The following FOXP1 variants were observed in gnomAD, a reference collection of about 807,000 sequenced individuals.
The protein encoded by FOXP1 is forkhead box P1.
Under a neutral mutation model 98.2 loss-of-function variants are expected in FOXP1, and 15 were observed. The ratio of observed to expected loss-of-function variants is 0.15; its 90% CI spans 0.10 to 0.24. The LOEUF is 0.24. Ranked by LOEUF, FOXP1 falls within the 10% of genes least tolerant of loss-of-function variation. FOXP1 has a pLI of 1.00. For missense variants in FOXP1, 633 were observed against 848.5 expected (o/e 0.75, Z 3.15); for synonymous variants, 371 against 314.5 (o/e 1.18, Z -1.90).
chr3:71,005,514 G>GCCCCC (rs1471502020), intron 12 of FOXP1, among the ~76,000 whole-genome samples: 4 of 151,688 alleles, frequency 2.6e-5, no homozygotes, highest in African/African-American at 9.7e-5. Context: ...TTATTTGGGG[G>GCCCCC]AAATGTATAT....
rs765482675 is a variant in FOXP1, at chr3:70,966,015, A to G, written c.1764T>C (p.Ala588=). 9 of 1,614,142 alleles carry G rather than the reference A, an allele frequency of 5.6e-6. No homozygotes were observed. The Admixed American group carries it at 1.5e-4, about 27-fold the overall frequency. ...TGCCCAGAGTGGGATTTCCCATGGA[A>G]GCGGTAGTGTATAGAGGTATACTAT... ...AENSIPLYTT[A]SMGNPTLGNL... The change falls in exon 20 of 21, where the codon GCT becomes GCC. Residue 588 remains alanine, a synonymous_variant. Transcript: ENST00000649528.
At chr3:71,316,773 C>A (rs796510928) in intron 4 of FOXP1, among the ~76,000 whole-genome samples, 3 of 151,862 alleles carry the variant, frequency 2.0e-5, no homozygotes, top group African/African-American at 7.2e-5. Flanking sequence ...TTCTCCTATC[C>A]CAGCCTCCTG....
At chr3:71,424,090 G>A (rs1198696337) in intron 3 of FOXP1, among the ~76,000 whole-genome samples, 1 of 152,114 alleles carries the variant, frequency 6.6e-6, no homozygotes, top group Non-Finnish European at 1.5e-5. Context: ...GTCAGGCCTG[G>A]CTTAGAAACA....
intron 2 of FOXP1, among the ~76,000 whole-genome samples, chr3:71,503,764 A>G (rs576175431): frequency 1.3e-5 from 2 of 152,298 alleles, no homozygotes; most frequent in South Asian, 4.1e-4. Context: ...TCCATCATTC[A>G]GGCCAGATCA....
intron 6 of FOXP1, among the ~76,000 whole-genome samples, chr3:71,196,294 A>C (rs1161528041): frequency 2.0e-5 from 3 of 152,214 alleles, no homozygotes; most frequent in African/African-American, 7.2e-5. Flanking sequence ...TGCAACTGAT[A>C]CTTTTTAAGG....
At chr3:71,306,571 A>G (rs2074289807) in intron 4 of FOXP1, among the ~76,000 whole-genome samples, 1 of 145,448 alleles carries the variant, frequency 6.9e-6, no homozygotes, top group Non-Finnish European at 1.5e-5. Context: ...ACACATATAT[A>G]TATGTGCATA....
At chr3:71,431,182 C>A (rs2084681636) in intron 3 of FOXP1, among the ~76,000 whole-genome samples, 1 of 152,050 alleles carries the variant, frequency 6.6e-6, no homozygotes, top group Non-Finnish European at 1.5e-5. Context: ...CAAAAGGAAT[C>A]CACTCTTGAG....
intron 2 of FOXP1, among the ~76,000 whole-genome samples, chr3:71,549,019 C>A (rs1187500857): frequency 6.6e-6 from 1 of 152,092 alleles, no homozygotes; most frequent in Non-Finnish European, 1.5e-5. Context: ...AACTCAGGAA[C>A]GTTAACCACT....
intron 2 of FOXP1, among the ~76,000 whole-genome samples, chr3:71,503,028 C>T (rs1022218232): frequency 2.0e-5 from 3 of 148,774 alleles, no homozygotes; most frequent in Non-Finnish European, 4.4e-5. Context: ...AACTGAAAAG[C>T]CTTCCATTAT....
At position 70,992,822 on chromosome 3, in the gene FOXP1, T is replaced by C. The variant is rs557537127; in HGVS notation, c.1063-4745A>G. 6.6e-5 allele frequency among the ~76,000 whole-genome samples: 10 copies of C among 152,272 alleles called. No homozygotes were observed. In the East Asian group the frequency reaches 1.9e-3, roughly 29 times the overall value. On this transcript the variant is annotated intron_variant, in intron 13 of 20. Transcript: ENST00000649528. The stretch of plus-strand genomic sequence containing the variant: ...GTGTCGTGGTTTTCACAGAAGGACA[T>C]GGAAGTGAGAAACCCAGAGACTCTC...
At chr3:71,200,232 A>T (rs2063585974) in intron 5 of FOXP1, among the ~76,000 whole-genome samples, 1 of 152,218 alleles carries the variant, frequency 6.6e-6, no homozygotes, top group Non-Finnish European at 1.5e-5. Context: ...AGATGAGAAA[A>T]GACAGATAGC....
chr3:71,312,598 A>G (rs1167197774), intron 4 of FOXP1, among the ~76,000 whole-genome samples: 1 of 152,196 alleles, frequency 6.6e-6, no homozygotes, highest in African/African-American at 2.4e-5. Flanking sequence ...GTGAGGCAGG[A>G]CGATTGCTTG....
At chr3:71,541,875 G>A (rs1043224048) in intron 2 of FOXP1, 17 of 443,900 alleles carry the variant, frequency 3.8e-5, no homozygotes, top group African/African-American at 2.1e-4. Context: ...TTATTCAGAC[G>A]GTCTTGCCTA....
chr3:71,190,035 C>T (rs553103726), intron 6 of FOXP1, among the ~76,000 whole-genome samples: 1 of 152,348 alleles, frequency 6.6e-6, no homozygotes, highest in East Asian at 1.9e-4. Context: ...GGCCACTCAT[C>T]TCTCCGGGAT....
intron 14 of FOXP1, 48 bp from the exon 15 acceptor site, chr3:70,978,077 C>A: frequency 3.3e-6 from 5 of 1,525,994 alleles, no homozygotes; most frequent in Non-Finnish European, 4.5e-6. Flanking sequence ...AAAACCAGAG[C>A]AACCCAGGAA....
chr3:71,375,710 T>C (rs1352371698), intron 3 of FOXP1, among the ~76,000 whole-genome samples: 5 of 152,160 alleles, frequency 3.3e-5, no homozygotes, highest in Non-Finnish European at 7.4e-5. Flanking sequence ...TTGGAAATAA[T>C]AACAATGTCA....
At chr3:71,487,111 G>C (rs535579966) in intron 3 of FOXP1, among the ~76,000 whole-genome samples, 2 of 151,796 alleles carry the variant, frequency 1.3e-5, no homozygotes, top group South Asian at 2.1e-4. Context: ...CAGGTAAAAA[G>C]AGAGCGACAT....
intron 6 of FOXP1, among the ~76,000 whole-genome samples, chr3:71,162,681 A>G (rs140711431): frequency 2.8e-4 from 43 of 152,328 alleles, no homozygotes; most frequent in African/African-American, 1.0e-3. Context: ...TGTCTGGTGA[A>G]GCCCCACCCA....
At chr3:71,370,369 T>C (rs1343616697) in intron 3 of FOXP1, among the ~76,000 whole-genome samples, 1 of 152,206 alleles carries the variant, frequency 6.6e-6, no homozygotes, top group African/African-American at 2.4e-5. Context: ...GACACTGCTT[T>C]TCTAAATTAT....
Sources: allele counts gnomAD v4.1 joint callset (sites outside exome capture counted in the v4.1 genomes callset), GRCh38; gene constraint gnomAD v4.1.1; transcripts MANE v1.5; gene names NCBI Gene and HGNC (gene_info 2026-07-23, HGNC 2026-07-21).